RAB7A: variants seen among roughly 807,000 people sequenced by gnomAD.
The protein encoded by RAB7A is RAB7A, member RAS oncogene family, also known as ras-related protein Rab-7a.
In RAB7A, 2 loss-of-function variants were observed where a neutral mutation model predicts 24.5. That is an observed-to-expected ratio of 0.08 (90% CI 0.03 to 0.26). The LOEUF is 0.26. Among genes scored for constraint, RAB7A ranks in the 10% least tolerant of loss-of-function variants. The probability of loss-of-function intolerance (pLI) is 1.00; values close to 1 mark genes in which losing one functional copy is unlikely to be tolerated. For synonymous variants in RAB7A, 100 were observed against 95.9 expected, an observed-to-expected ratio of 1.04 and a Z score of -0.25; for missense variants, 118 against 255.7, an observed-to-expected ratio of 0.46 and a Z score of 3.67.
chr3:128,779,476 C>T (rs1348830499), intron 1 of RAB7A, among the ~76,000 whole-genome samples: 1 of 151,706 alleles, frequency 6.6e-6, no homozygotes, highest in Non-Finnish European at 1.5e-5. Context: ...TACAGCTGGC[C>T]TCACCATTTC....
At chr3:128,796,445 C>T (rs1481375483) in intron 2 of RAB7A, among the ~76,000 whole-genome samples, 3 of 152,070 alleles carry the variant, frequency 2.0e-5, no homozygotes, top group East Asian at 1.9e-4. Flanking sequence ...GAGCAAGACC[C>T]CAACTCTTAA....
chr3:128,780,224 C>T (rs888071897), intron 1 of RAB7A, among the ~76,000 whole-genome samples: 4 of 152,104 alleles, frequency 2.6e-5, no homozygotes, highest in African/African-American at 9.7e-5. Context: ...TGTTAGAAAT[C>T]CTATCTCTAG....
chr3:128,763,208 A>ATATATATATTTTTTTTTTT (rs373993932), intron 1 of RAB7A, among the ~76,000 whole-genome samples: 6 of 76,060 alleles, frequency 7.9e-5, no homozygotes, highest in African/African-American at 3.3e-4. Context: ...ATATATATAT[A>ATATATATATTTTTTTTTTT]TTTTTTTTTT....
At chr3:128,764,499 C>T in intron 1 of RAB7A, 1 of 801,746 alleles carries the variant, frequency 1.2e-6, no homozygotes, top group Non-Finnish European at 2.2e-6. Context: ...CCAGGGTGTT[C>T]TTGTTAAAGA....
At chr3:128,746,643 C>G (rs1462386199) in intron 1 of RAB7A, among the ~76,000 whole-genome samples, 2 of 152,112 alleles carry the variant, frequency 1.3e-5, no homozygotes, top group African/African-American at 2.4e-5. Context: ...ATACTCCTGC[C>G]TCAGCCTCCC....
At chr3:128,745,643 G>T (rs1290477024) in intron 1 of RAB7A, among the ~76,000 whole-genome samples, 1 of 152,206 alleles carries the variant, frequency 6.6e-6, no homozygotes, top group Non-Finnish European at 1.5e-5. Flanking sequence ...TGGGATTACC[G>T]GCCTGAGCCA....
intron 1 of RAB7A, among the ~76,000 whole-genome samples, chr3:128,779,528 T>C: frequency 7.0e-6 from 1 of 142,418 alleles, no homozygotes; most frequent in South Asian, 2.2e-4. Flanking sequence ...CATTACCTGA[T>C]GCATGCAGCA....
intron 1 of RAB7A, among the ~76,000 whole-genome samples, chr3:128,777,298 A>G (rs1462466286): frequency 6.6e-6 from 1 of 151,992 alleles, no homozygotes; most frequent in Admixed American, 6.6e-5. Flanking sequence ...GGCTCAAGTG[A>G]TCTTCCCACT....
intron 1 of RAB7A, among the ~76,000 whole-genome samples, chr3:128,754,593 A>G (rs1187500101): frequency 6.6e-6 from 1 of 152,226 alleles, no homozygotes; most frequent in Admixed American, 6.5e-5. Context: ...TAAATAGCTT[A>G]AACCCTGCAG....
chr3:128,795,751 C>CTTTTTTTGTTTTTTTTTTTTT (rs1933555711), intron 2 of RAB7A, among the ~76,000 whole-genome samples: 1 of 43,032 alleles, frequency 2.3e-5, no homozygotes, highest in Non-Finnish European at 4.7e-5. Flanking sequence ...AGCAGATGTG[C>CTTTTTTTGTTTTTTTTTTTTT]TTTTTTTTTT....
At chr3:128,784,526 A>G (rs549502536) in intron 1 of RAB7A, among the ~76,000 whole-genome samples, 1 of 152,268 alleles carries the variant, frequency 6.6e-6, no homozygotes, top group East Asian at 1.9e-4. Flanking sequence ...CAGGATGAAC[A>G]CTGCTGCTTA....
chr3:128,785,496 T>C (rs1933318693), intron 1 of RAB7A: 1 of 152,204 alleles, frequency 6.6e-6, no homozygotes, highest in African/African-American at 2.4e-5. Flanking sequence ...CAGTGGCTTA[T>C]GCCTGCAATC....
At chr3:128,777,512 T>C (rs151106161) in intron 1 of RAB7A, among the ~76,000 whole-genome samples, 1,822 of 152,324 alleles carry the variant, frequency 0.012, 33 homozygotes, top group African/African-American at 0.039. Flanking sequence ...TAATACTTGA[T>C]AATAAAACAC....
intron 1 of RAB7A, among the ~76,000 whole-genome samples, chr3:128,745,773 AC>A (rs1163399760): frequency 3.3e-5 from 5 of 152,166 alleles, no homozygotes; most frequent in Admixed American, 3.3e-4. Context: ...GGAGGGACTC[AC>A]CCCTTACTTT....
chr3:128,780,278 A>G (rs1301962914), intron 1 of RAB7A, among the ~76,000 whole-genome samples: 3 of 152,220 alleles, frequency 2.0e-5, no homozygotes, highest in Non-Finnish European at 2.9e-5. Flanking sequence ...CAACAAGGAA[A>G]GGGGCCAAAG....
chr3:128,727,143 C>T (rs1186527423), intron 1 of RAB7A, among the ~76,000 whole-genome samples: 1 of 152,118 alleles, frequency 6.6e-6, no homozygotes, highest in Non-Finnish European at 1.5e-5. Context: ...AATATTTGAG[C>T]GTTTATTGTA....
At chr3:128,800,700 G>A (rs1057488345) in intron 3 of RAB7A, among the ~76,000 whole-genome samples, 2 of 152,210 alleles carry the variant, frequency 1.3e-5, no homozygotes, top group African/African-American at 4.8e-5. Flanking sequence ...GCAGGCAGTG[G>A]GGTATGTTGG....
chr3:128,765,018 GGCA>G, intron 1 of RAB7A: 1 of 1,541,224 alleles, frequency 6.5e-7, no homozygotes, highest in Non-Finnish European at 8.8e-7. Flanking sequence ...CAGTTGTCAT[GGCA>G]GCAACTAAGG....
intron 1 of RAB7A, among the ~76,000 whole-genome samples, chr3:128,744,458 T>A (rs1344670333): frequency 6.6e-6 from 1 of 152,224 alleles, no homozygotes; most frequent in African/African-American, 2.4e-5. Context: ...TATGATACAT[T>A]ATTATTTGAA....
Sources: gnomAD v4.1 joint callset for allele counts (sites outside exome capture counted in the v4.1 genomes callset) on GRCh38, gnomAD v4.1.1 for gene constraint, MANE v1.5 for transcripts, NCBI Gene and HGNC (gene_info 2026-07-23, HGNC 2026-07-21) for gene names.